MLLT6: variants seen among roughly 807,000 people sequenced by gnomAD.
The protein encoded by MLLT6 is protein AF-17.
In MLLT6, 22 loss-of-function variants were observed where a neutral mutation model predicts 103.0. The observed-to-expected ratio is 0.21, with a 90% CI of 0.15 to 0.31. The LOEUF (loss-of-function observed/expected upper bound fraction) is 0.31, where lower values mean the gene tolerates loss of function less well. MLLT6 is among the 10% of genes least tolerant of loss of function. The pLI, the probability that MLLT6 is intolerant of heterozygous loss-of-function variation, is 1.00. For missense variants in MLLT6, 1,199 were observed against 1,441.7 expected, an observed-to-expected ratio of 0.83 and a Z score of 2.73; for synonymous variants, 606 against 623.5, an observed-to-expected ratio of 0.97 and a Z score of 0.42.
intron 16 of MLLT6, 35 bp downstream of exon 16, chr17:38,720,782 G>A: frequency 1.3e-6 from 2 of 1,577,600 alleles, no homozygotes; most frequent in Non-Finnish European, 1.7e-6. Context: ...GGAAGGAGGG[G>A]GAGACTCAAG....
Position 38,705,417 on chromosome 17 carries a change from A to C in MLLT6, c.-216A>C. 2.7e-6 allele frequency: 1 copy of C among 366,488 alleles called. No homozygotes were observed. The allele number at this position is 366,488 out of a possible 1,614,324, so 22.7% of individuals were successfully genotyped here. On this transcript the variant is annotated 5_prime_UTR_variant, in exon 1 of 20. Coordinates refer to ENST00000621332, the MANE Select transcript of MLLT6 (RefSeq NM_005937.4). ...CCCGTCGGGGCATGAGGGCGAGAGC[A>C]CGGCGGGGGGGGCGGCCAGACAGAG...
Position 38,716,266 on chromosome 17 carries a change from C to A in MLLT6, c.1037-101C>A. On this transcript the variant is annotated intron_variant, in intron 9 of 19. Transcript: ENST00000621332. The surrounding 1 kb of genome is among the most constrained non-coding windows in gnomAD (Gnocchi z 5.6). ...GAGCTGAGACAGGAAACCAGGCATCCCCATTCGTGGACCAGAGCTCTCTCC... is the reference window on the plus strand; with the variant it reads ...GAGCTGAGACAGGAAACCAGGCATCACCATTCGTGGACCAGAGCTCTCTCC... The A allele has an allele frequency of 8.0e-7, 1 of 1,257,390 alleles. No individual in the cohort carries two copies. The highest frequency in any genetic ancestry group is 1.1e-6 in the Non-Finnish European group (1 of 898,236). 77.9% of individuals were successfully genotyped at this position (1,257,390 alleles called of 1,614,324 possible). A position where few individuals can be genotyped will look rare whatever the true frequency, so the allele number is the denominator to read the frequency against.
chr17:38,729,245 C>A lies in MLLT6; in HGVS notation c.*3647C>A. On this transcript the variant is annotated 3_prime_UTR_variant, in exon 20 of 20. Coordinates refer to ENST00000621332, the MANE Select transcript of MLLT6 (RefSeq NM_005937.4). Reference sequence around the variant, plus strand: ...GGGTAGGCAGCTTGCACCCAGTTCTCCTTTATCTCAACTTATTTTCCTGGG... The same window carrying A: ...GGGTAGGCAGCTTGCACCCAGTTCTACTTTATCTCAACTTATTTTCCTGGG... The A allele has an allele frequency of 4.3e-6, 1 of 233,288 alleles. No homozygotes were observed. Among genetic ancestry groups the A allele is most frequent in the Non-Finnish European group, 8.5e-6 (1 of 118,048 alleles). The allele number at this position is 233,288 out of a possible 1,614,324, so 14.5% of individuals were successfully genotyped here. A position where few individuals can be genotyped will look rare whatever the true frequency, so the allele number is the denominator to read the frequency against.
Position 38,715,792 on chromosome 17 carries a change from T to A in MLLT6, c.1000T>A (p.Ser334Thr). Residue 334 changes from serine to threonine, a missense_variant, in exon 9 of 20, where the codon TCT becomes ACT. By Grantham distance (58) the Ser-to-Thr change is moderately conservative. Transcript: ENST00000621332. ...CTCCGCCTCCTCTTCTTCCTCCTCC[T>A]CTTCCTCCTCCTCTGGGGGGCCCTT... is the stretch of plus-strand genomic sequence containing the variant. ...FTSASSSSSS[S>T]SSSSGGPFQP... is the part of the protein sequence containing the mutation. 6.2e-7 allele frequency: 1 copy of A among 1,608,232 alleles called. No homozygotes were observed. The highest frequency in any genetic ancestry group is 8.5e-7 in the Non-Finnish European group (1 of 1,177,012).
chr17:38,708,155 C>G, intron 4 of MLLT6: 1 of 475,500 alleles, frequency 2.1e-6, no homozygotes, highest in Non-Finnish European at 3.8e-6. Flanking sequence ...TAAGTGCCTA[C>G]TATGTGCCAG....
At chr17:38,705,775 C>A in intron 1 of MLLT6, 34 bp downstream of exon 1, 2 of 1,148,538 alleles carry the variant, frequency 1.7e-6, no homozygotes, top group Non-Finnish European at 2.3e-6. Flanking sequence ...CGGCGGGACC[C>A]CGGGGGCGGC....
chr17:38,728,265 A>G lies in MLLT6; in HGVS notation c.*2667A>G, dbSNP rs531782660. 1.3e-3 allele frequency: 295 copies of G among 233,266 alleles called. 2 individuals carry two copies. Among genetic ancestry groups the G allele is most frequent in the Non-Finnish European group, 2.0e-3 (235 of 118,066 alleles). The allele number at this position is 233,266 out of a possible 1,614,324, so 14.4% of individuals were successfully genotyped here. A position where few individuals can be genotyped will look rare whatever the true frequency, so the allele number is the denominator to read the frequency against. The stretch of plus-strand genomic sequence containing the variant: ...GAAAGGTCTCGAAAGCTTCAGGAGG[A>G]GCAGAATACCAACGCAGGGGGATGG... On this transcript the variant is annotated 3_prime_UTR_variant, in exon 20 of 20. Transcript: ENST00000621332.
intron 7 of MLLT6, 147 bp downstream of exon 7, chr17:38,712,161 G>T: frequency 7.4e-7 from 1 of 1,352,138 alleles, no homozygotes. Flanking sequence ...GGAGGGGGCT[G>T]AAATGAAACG....
At chr17:38,713,444 G>C (rs903090134) in intron 8 of MLLT6, 3 of 222,016 alleles carry the variant, frequency 1.4e-5, no homozygotes, top group Non-Finnish European at 2.6e-5. Context: ...CATGGGAGGA[G>C]AACCTGGTAG....
chr17:38,711,125 T>G (rs1905128621), intron 6 of MLLT6, among the ~76,000 whole-genome samples: 1 of 152,104 alleles, frequency 6.6e-6, no homozygotes. Flanking sequence ...AAATTAGCCC[T>G]TGGGTTTGGC....
intron 19 of MLLT6, 96 bp from the exon 20 acceptor site, chr17:38,725,461 C>T: frequency 8.6e-7 from 1 of 1,157,706 alleles, no homozygotes; most frequent in East Asian, 2.6e-5. Context: ...CGTTTCAGTA[C>T]CCCACAGCAG....
At chr17:38,722,248 G>A (rs1221945760) in intron 17 of MLLT6, 21 bp downstream of exon 17, 3 of 1,364,032 alleles carry the variant, frequency 2.2e-6, no homozygotes, top group Non-Finnish European at 2.8e-6. Flanking sequence ...GCTCAGCCCT[G>A]GGAAGGGGAA....
Position 38,709,167 on chromosome 17 carries a change from C to T in MLLT6, c.355-6C>T, listed in dbSNP as rs751602295. 24 of 1,609,668 alleles carry T rather than the reference C, an allele frequency of 1.5e-5. No homozygotes were observed. Among genetic ancestry groups the T allele is most frequent in the Non-Finnish European group, 2.0e-5 (23 of 1,178,064 alleles). The stretch of plus-strand genomic sequence containing the variant: ...GAGGAGGGGACGATTGCGCTGTGTC[C>T]TGCAGACCTGTTACATCTGCGAGGA... On this transcript the variant is annotated splice_polypyrimidine_tract_variant and splice_region_variant and intron_variant, in intron 4 of 19. Coordinates refer to ENST00000621332, the MANE Select transcript of MLLT6 (RefSeq NM_005937.4). This position sits in a 1 kb window ranked among gnomAD's most constrained non-coding sequence, Gnocchi z 4.3.
Position 38,716,225 on chromosome 17 carries a change from G to A in MLLT6, c.1037-142G>A. On this transcript the variant is annotated intron_variant, in intron 9 of 19. Transcript: ENST00000621332. The surrounding 1 kb of genome is among the most constrained non-coding windows in gnomAD (Gnocchi z 5.6). Reference sequence around the variant, plus strand: ...GAGGGGTCGGGGGTACTCATCCCAGGACACAGACAGTGGCAGAGCTGAGAC... The same window carrying A: ...GAGGGGTCGGGGGTACTCATCCCAGAACACAGACAGTGGCAGAGCTGAGAC... 1.1e-6 allele frequency: 1 copy of A among 875,322 alleles called. No individual in the cohort carries two copies. The highest frequency in any genetic ancestry group is 1.7e-6 in the Non-Finnish European group (1 of 577,866). 54.2% of individuals were successfully genotyped at this position (875,322 alleles called of 1,614,324 possible).
chr17:38,705,889 C>A (rs934167392), intron 1 of MLLT6, 148 bp downstream of exon 1: 3 of 300,424 alleles, frequency 1.0e-5, no homozygotes, highest in Admixed American at 5.1e-5. Context: ...GGAGCTCCCC[C>A]CGCCCGGTCC....
Position 38,728,340 on chromosome 17 carries a change from A to G in MLLT6, c.*2742A>G, listed in dbSNP as rs1906145134. 4.3e-6 allele frequency: 1 copy of G among 233,294 alleles called. No homozygotes were observed. The highest frequency in any genetic ancestry group is 8.5e-6 in the Non-Finnish European group (1 of 118,048). The allele number at this position is 233,294 out of a possible 1,614,324, so 14.5% of individuals were successfully genotyped here. On this transcript the variant is annotated 3_prime_UTR_variant, in exon 20 of 20. Transcript: ENST00000621332. ...ACCTCAGTCCCTTTTTTGAGAGTGAATGGTGGAGGGTGGGAAGGGACCCAG... is the reference window on the plus strand; with the variant it reads ...ACCTCAGTCCCTTTTTTGAGAGTGAGTGGTGGAGGGTGGGAAGGGACCCAG...
At chr17:38,719,212 T>G (rs1905533834) in intron 12 of MLLT6, 1 of 466,856 alleles carries the variant, frequency 2.1e-6, no homozygotes, top group African/African-American at 2.0e-5. Context: ...CAGGTCTGTC[T>G]TGACCTCAAA....
At position 38,728,876 on chromosome 17, in the gene MLLT6, T is replaced by C. The variant is rs1213857555; in HGVS notation, c.*3278T>C. On this transcript the variant is annotated 3_prime_UTR_variant, in exon 20 of 20. Coordinates refer to ENST00000621332, the MANE Select transcript of MLLT6 (RefSeq NM_005937.4). The stretch of plus-strand genomic sequence containing the variant: ...GCTCAGAGCTGGTGGATCCTCTCCA[T>C]GGACAATGACACTTTAAGGATTGTC... The C allele has an allele frequency of 8.6e-6, 2 of 233,862 alleles. No homozygotes were observed. Among genetic ancestry groups the C allele is most frequent in the African/African-American group, 4.4e-5 (2 of 45,372 alleles). The allele number at this position is 233,862 out of a possible 1,614,324, so 14.5% of individuals were successfully genotyped here.
chr17:38,720,864 T>G, intron 16 of MLLT6, 117 bp downstream of exon 16: 1 of 876,144 alleles, frequency 1.1e-6, no homozygotes, highest in Non-Finnish European at 1.8e-6. Flanking sequence ...GAGCAATTGA[T>G]TGATCCATTC....
Sources: gnomAD v4.1 joint callset for allele counts (sites outside exome capture counted in the v4.1 genomes callset) on GRCh38, gnomAD v4.1.1 for gene constraint, Gnocchi (gnomAD v3.1) non-coding constraint, MANE v1.5 for transcripts, NCBI Gene and HGNC (gene_info 2026-07-23, HGNC 2026-07-21) for gene names.